Variants in ADGRV1 observed in about 807,000 individuals in gnomAD.
ADGRV1 encodes the protein adhesion G protein-coupled receptor V1.
ADGRV1 carries 359 observed loss-of-function variants against 596.2 expected under a neutral mutation model. That is an observed-to-expected ratio of 0.60 (90% CI 0.55 to 0.66). The LOEUF is 0.66. Ranked by LOEUF, ADGRV1 falls within the 30% of genes least tolerant of loss-of-function variation. The pLI is 0.00. For synonymous variants in ADGRV1, 2,681 were observed against 2,679.2 expected (o/e 1.00, Z -0.02); for missense variants, 7,274 against 7,575.6 (o/e 0.96, Z 1.48).
At chr5:90,838,301 C>T (rs1045774860) in intron 77 of ADGRV1, among the ~76,000 whole-genome samples, 3 of 151,350 alleles carry the variant, frequency 2.0e-5, no homozygotes, top group African/African-American at 7.3e-5. Flanking sequence ...GAAGAATGCT[C>T]TTCTTTGGGC....
intron 87 of ADGRV1, among the ~76,000 whole-genome samples, chr5:91,117,741 A>T (rs969909291): frequency 4.6e-5 from 7 of 152,214 alleles, no homozygotes; most frequent in African/African-American, 1.7e-4. Context: ...ACAAATAATC[A>T]CTTCATAGTT....
chr5:90,863,891 A>G, intron 83 of ADGRV1, 34 bp downstream of exon 83: 1 of 1,329,894 alleles, frequency 7.5e-7, no homozygotes, highest in Non-Finnish European at 1.1e-6. Context: ...ATTTATCGTG[A>G]GATGTTTGTG....
intron 21 of ADGRV1, among the ~76,000 whole-genome samples, chr5:90,660,038 A>G (rs577511129): frequency 8.5e-5 from 13 of 152,230 alleles, no homozygotes; most frequent in East Asian, 1.9e-4. Flanking sequence ...CAGAGAAAAA[A>G]AAAAAGAAAA....
At chr5:90,624,564 T>C (rs1235402240) in intron 5 of ADGRV1, among the ~76,000 whole-genome samples, 1 of 152,200 alleles carries the variant, frequency 6.6e-6, no homozygotes, top group Admixed American at 6.5e-5. Context: ...TCTCATGCTA[T>C]TCTTAATTTT....
Position 90,783,319 on chromosome 5 carries a change from A to C in ADGRV1, c.13427A>C (p.Asn4476Thr). Residue 4476 changes from asparagine (N) to threonine (T), a missense_variant, in exon 66 of 90, where the codon AAT becomes ACT. Physicochemically the swap from Asn to Thr is moderately conservative, Grantham distance 65. Coordinates refer to ENST00000405460, the MANE Select transcript of ADGRV1 (RefSeq NM_032119.4). ...SFINISIIDD[N>T]ESEFEEPIEI... ...ATAAATATCTCCATCATTGATGACA[A>C]TGAAAGGTTGGTATATAGAAAATAA... The C allele has an allele frequency of 6.2e-7, 1 of 1,604,984 alleles. No individual in the cohort carries two copies. The highest frequency in any genetic ancestry group is 8.5e-7 in the Non-Finnish European group (1 of 1,172,424).
chr5:90,849,810 C>G (rs542338573), intron 79 of ADGRV1, among the ~76,000 whole-genome samples: 16 of 152,292 alleles, frequency 1.1e-4, no homozygotes, highest in Admixed American at 3.3e-4. Flanking sequence ...AATTATACCT[C>G]TGCTATAGTC....
chr5:91,050,330 G>T (rs1786203941), intron 85 of ADGRV1, among the ~76,000 whole-genome samples: 1 of 152,166 alleles, frequency 6.6e-6, no homozygotes, highest in Non-Finnish European at 1.5e-5. Flanking sequence ...TCAAATCTCA[G>T]TTTGGCTTCT....
In ADGRV1 at chr5:90,739,715, A is replaced by G. The variant is rs555315436; in HGVS notation, c.10550-5331A>G. 5.3e-5 allele frequency among the ~76,000 whole-genome samples: 8 copies of G among 152,316 alleles called. No individual in the cohort carries two copies. In the East Asian group the frequency reaches 1.4e-3, roughly 26 times the overall value. On this transcript the variant is annotated intron_variant, in intron 50 of 89. Transcript: ENST00000405460. ...TGGATAGTGCTGTGGTTTGGGATCT[A>G]TATCTGCACAGGGCCACCTACTTGG...
chr5:91,157,769 C>T (rs74340151), intron 89 of ADGRV1, among the ~76,000 whole-genome samples: 3,680 of 152,222 alleles, frequency 0.024, 83 homozygotes, highest in Non-Finnish European at 0.035. Flanking sequence ...GAAAAAGACT[C>T]ATCAGAATAA....
chr5:90,834,587 C>A (rs755605100), intron 77 of ADGRV1, among the ~76,000 whole-genome samples: 1 of 151,634 alleles, frequency 6.6e-6, no homozygotes, highest in Non-Finnish European at 1.5e-5. Flanking sequence ...AAATCCTTAA[C>A]CTTTGGGAGT....
chr5:91,092,265 AT>A (rs1790453836), intron 86 of ADGRV1, among the ~76,000 whole-genome samples: 1 of 152,006 alleles, frequency 6.6e-6, no homozygotes, highest in South Asian at 2.1e-4. Flanking sequence ...AGGCTGGCTA[AT>A]TTTTGTAATT....
intron 50 of ADGRV1, among the ~76,000 whole-genome samples, chr5:90,732,082 C>A (rs566655074): frequency 1.3e-5 from 2 of 152,226 alleles, no homozygotes; most frequent in South Asian, 4.2e-4. Flanking sequence ...CTTACTGCAG[C>A]CTTGAACACA....
intron 87 of ADGRV1, among the ~76,000 whole-genome samples, chr5:91,136,040 G>GT (rs1480460069): frequency 1.3e-5 from 2 of 152,158 alleles, no homozygotes; most frequent in African/African-American, 4.8e-5. Context: ...AGTATGGCTG[G>GT]TTCAGTATGC....
rs559394147 is a variant in ADGRV1 at position 90,988,900 on chromosome 5, T to C, written c.18152+3378T>C. The stretch of plus-strand genomic sequence containing the variant: ...GTAAGAACATGTGGTGTTTGGTTTT[T>C]TGTCCTTGGGATAGTTTGCTGAGAA... On this transcript the variant is annotated intron_variant, in intron 85 of 89. Transcript: ENST00000405460. Among the ~76,000 whole-genome samples, 4 of 151,760 alleles carry C rather than the reference T, an allele frequency of 2.6e-5. No homozygotes were observed. In the East Asian group the frequency reaches 7.8e-4, roughly 30 times the overall value.
At chr5:90,773,038 G>A (rs777808330) in intron 59 of ADGRV1, among the ~76,000 whole-genome samples, 7 of 151,940 alleles carry the variant, frequency 4.6e-5, no homozygotes, top group South Asian at 2.1e-4. Context: ...CATGGTTAAC[G>A]CACACCTGTA....
intron 1 of ADGRV1, among the ~76,000 whole-genome samples, chr5:90,611,915 G>A (rs1185304121): frequency 6.6e-6 from 1 of 151,854 alleles, no homozygotes; most frequent in Admixed American, 6.6e-5. Context: ...TCTTCTAATG[G>A]GAACTTCATT....
At chr5:91,130,357 C>A (rs945180277) in intron 87 of ADGRV1, among the ~76,000 whole-genome samples, 19 of 151,430 alleles carry the variant, frequency 1.3e-4, no homozygotes, top group South Asian at 6.3e-4. Context: ...CTTGGTGAAA[C>A]CCTGTCTCTA....
At chr5:90,648,990 G>A (rs552322347) in intron 17 of ADGRV1, among the ~76,000 whole-genome samples, 46 of 152,216 alleles carry the variant, frequency 3.0e-4, no homozygotes, top group East Asian at 1.2e-3. Flanking sequence ...ACAGAAAAGC[G>A]ATGAAGGAAT....
At chr5:90,665,438 T>A (rs1430932067) in intron 21 of ADGRV1, among the ~76,000 whole-genome samples, 1 of 152,140 alleles carries the variant, frequency 6.6e-6, no homozygotes, top group Non-Finnish European at 1.5e-5. Flanking sequence ...TAGTTTGTAT[T>A]TCTGTGGGAT....
Sources: allele counts gnomAD v4.1 joint callset (sites outside exome capture counted in the v4.1 genomes callset), GRCh38; gene constraint gnomAD v4.1.1; transcripts MANE v1.5; gene names NCBI Gene and HGNC (gene_info 2026-07-23, HGNC 2026-07-21).